KDM2B: variants seen among roughly 807,000 people sequenced by gnomAD.
KDM2B encodes the protein lysine demethylase 2B, also known as lysine-specific demethylase 2B.
A neutral mutation model predicts 150.0 loss-of-function variants in KDM2B; 26 were observed. The observed-to-expected ratio is 0.17, with a 90% CI of 0.13 to 0.24. KDM2B has a LOEUF of 0.24. KDM2B is among the 10% of genes least tolerant of loss of function. KDM2B has a pLI of 1.00. For missense variants in KDM2B, 1,265 were observed against 1,816.9 expected (o/e 0.70, Z 5.52); for synonymous variants, 734 against 729.5 (o/e 1.01, Z -0.10).
At chr12:121,506,664 G>A (rs556193971) in intron 11 of KDM2B, among the ~76,000 whole-genome samples, 56 of 151,956 alleles carry the variant, frequency 3.7e-4, no homozygotes, top group Non-Finnish European at 5.6e-4. Flanking sequence ...AAGACCAGGC[G>A]CGGTGGCTCA....
chr12:121,508,040 G>C (rs1376130354), intron 11 of KDM2B, among the ~76,000 whole-genome samples: 1 of 152,074 alleles, frequency 6.6e-6, no homozygotes, highest in South Asian at 2.1e-4. Flanking sequence ...AAGTAAAAAA[G>C]ACTTTCCAAA....
At chr12:121,527,056 TA>T (rs1259123818) in intron 8 of KDM2B, among the ~76,000 whole-genome samples, 1 of 151,858 alleles carries the variant, frequency 6.6e-6, no homozygotes, top group Non-Finnish European at 1.5e-5. Flanking sequence ...ATTTCTTTTT[TA>T]TATTTTTTGA....
intron 19 of KDM2B, among the ~76,000 whole-genome samples, chr12:121,441,858 A>G (rs1353073770): frequency 6.6e-6 from 1 of 152,262 alleles, no homozygotes; most frequent in Non-Finnish European, 1.5e-5. Context: ...GCTGGTAAAT[A>G]TCGGCTGGAC....
At chr12:121,431,307 T>C (rs1555285466) in intron 22 of KDM2B, among the ~76,000 whole-genome samples, 1 of 139,442 alleles carries the variant, frequency 7.2e-6, no homozygotes, top group Non-Finnish European at 1.5e-5. Context: ...TTTTTTTTTT[T>C]TTTTTTTTTT....
chr12:121,443,886 G>A (rs1216649598), intron 16 of KDM2B, 93 bp from the exon 17 acceptor site: 4 of 1,417,996 alleles, frequency 2.8e-6, no homozygotes, highest in Admixed American at 3.9e-5. Context: ...GACCTGCTCA[G>A]GGCAGCAAGA....
the KDM2B span, among the ~76,000 whole-genome samples, chr12:121,414,866 G>A: frequency 6.6e-6 from 1 of 152,194 alleles, no homozygotes; most frequent in African/African-American, 2.4e-5. Context: ...GGCCGAGGTG[G>A]GTGGATCACC....
chr12:121,536,720 C>T (rs971815879), intron 6 of KDM2B, among the ~76,000 whole-genome samples: 1 of 151,270 alleles, frequency 6.6e-6, no homozygotes, highest in South Asian at 2.1e-4. Context: ...CAGGCCTCAG[C>T]TGAACACAGT....
At chr12:121,437,123 G>A (rs1555286968) in intron 22 of KDM2B, among the ~76,000 whole-genome samples, 2 of 152,110 alleles carry the variant, frequency 1.3e-5, no homozygotes. Flanking sequence ...CAGCAGTGGG[G>A]CGGGCAGTCC....
In KDM2B at chr12:121,467,034, G is replaced by A. The variant is rs1555294946; in HGVS notation, c.1735-13690C>T. 6.0e-5 allele frequency: 24 copies of A among 400,774 alleles called. No individual in the cohort carries two copies. The highest frequency in any genetic ancestry group is 8.3e-5 in the Non-Finnish European group (24 of 289,722). 24.8% of individuals were successfully genotyped at this position (400,774 alleles called of 1,614,324 possible). Reference sequence around the variant, plus strand: ...CCCGGCCCCGGCCGCCCCGCCGGCAGCGGCAGCAAAACTTTCTCCTCATCG... The same window carrying A: ...CCCGGCCCCGGCCGCCCCGCCGGCAACGGCAGCAAAACTTTCTCCTCATCG... On this transcript the variant is annotated intron_variant, in intron 12 of 22. Coordinates refer to ENST00000377071, the MANE Select transcript of KDM2B (RefSeq NM_032590.5). The surrounding 1 kb of genome is among the most constrained non-coding windows in gnomAD (Gnocchi z 5.1).
At chr12:121,417,001 TTTGA>T in the KDM2B span, among the ~76,000 whole-genome samples, 2 of 152,344 alleles carry the variant, frequency 1.3e-5, no homozygotes, top group Admixed American at 1.3e-4. This position sits in a 1 kb window ranked among gnomAD's most constrained non-coding sequence, Gnocchi z 5.0. Context: ...GTGGCAAGGC[TTTGA>T]TTGTGATTAG....
In KDM2B at chr12:121,481,733, T is replaced by G. The variant is rs183174826; in HGVS notation, c.1734+12846A>C. On this transcript the variant is annotated intron_variant, in intron 12 of 22. Coordinates refer to ENST00000377071, the MANE Select transcript of KDM2B (RefSeq NM_032590.5). ...AAGGCCAGAGCCCTCAAGATCTCAA[T>G]TGCTTTTCAAGAACTTATCTTAGGG... 2.3e-3 allele frequency among the ~76,000 whole-genome samples: 350 copies of G among 152,024 alleles called. 3 individuals carry two copies. The highest frequency in any genetic ancestry group is 4.2e-3 in the Admixed American group (64 of 15,206).
intron 6 of KDM2B, among the ~76,000 whole-genome samples, chr12:121,546,711 T>TC (rs1889086421): frequency 7.3e-6 from 1 of 137,476 alleles, no homozygotes; most frequent in South Asian, 2.3e-4. Flanking sequence ...CCTCTTTGTC[T>TC]TTTTTTTTTT....
the KDM2B span, among the ~76,000 whole-genome samples, chr12:121,416,837 T>C: frequency 3.3e-5 from 5 of 152,248 alleles, no homozygotes; most frequent in South Asian, 1.0e-3. Context: ...AGATGGAAAG[T>C]CATTCAGAGA....
intron 12 of KDM2B, among the ~76,000 whole-genome samples, chr12:121,479,982 G>A (rs1881913793): frequency 6.6e-6 from 1 of 151,990 alleles, no homozygotes; most frequent in Non-Finnish European, 1.5e-5. Flanking sequence ...GCAATGGTGT[G>A]ATCTTAGCTT....
rs1880364405 is a variant in KDM2B, at chr12:121,468,436, G to A, written c.1735-15092C>T. ...AAAACCAAAGCTAAACACAAGCTAA[G>A]GAGGACTTGGCATACATATCATCCA... On this transcript the variant is annotated intron_variant, in intron 12 of 22. Coordinates refer to ENST00000377071, the MANE Select transcript of KDM2B (RefSeq NM_032590.5). This position sits in a 1 kb window ranked among gnomAD's most constrained non-coding sequence, Gnocchi z 4.0. 6.6e-6 allele frequency: 1 copy of A among 152,250 alleles called. No homozygotes were observed. 9.4% of individuals were successfully genotyped at this position (152,250 alleles called of 1,614,324 possible).
intron 4 of KDM2B, among the ~76,000 whole-genome samples, chr12:121,551,551 T>C (rs1889496203): frequency 6.6e-6 from 1 of 151,956 alleles, no homozygotes; most frequent in Admixed American, 6.6e-5. Flanking sequence ...TGGTTTTCTT[T>C]GTTTGGTTGG....
chr12:121,538,064 C>T (rs1166948170), intron 6 of KDM2B, among the ~76,000 whole-genome samples: 2 of 151,484 alleles, frequency 1.3e-5, no homozygotes, highest in Admixed American at 6.6e-5. Flanking sequence ...GCCGAGGACG[C>T]GGGGCCCCCG....
At position 121,448,054 on chromosome 12, in the gene KDM2B, C is replaced by A. The variant is rs182829356; in HGVS notation, c.1960-2636G>T. Among the ~76,000 whole-genome samples the A allele has an allele frequency of 2.6e-5, 4 of 152,248 alleles. No homozygotes were observed. The East Asian group carries it at 7.7e-4, about 29-fold the overall frequency. On this transcript the variant is annotated intron_variant, in intron 13 of 22. Coordinates refer to ENST00000377071, the MANE Select transcript of KDM2B (RefSeq NM_032590.5). ...AATTTCTTGGCCAGGAGTGATAGCA[C>A]ATGCCTGCAATCCCAGCACTTTGGG...
chr12:121,433,033 C>T, intron 22 of KDM2B: 1 of 420,650 alleles, frequency 2.4e-6, no homozygotes, highest in Non-Finnish European at 4.7e-6. Flanking sequence ...GGTGGTAAGG[C>T]AGCACTTGGT....
Sources: allele counts gnomAD v4.1 joint callset (sites outside exome capture counted in the v4.1 genomes callset), GRCh38; gene constraint gnomAD v4.1.1; non-coding constraint Gnocchi (gnomAD v3.1); transcripts MANE v1.5; gene names NCBI Gene and HGNC (gene_info 2026-07-23, HGNC 2026-07-21).